DIS3L2: variants seen among roughly 807,000 people sequenced by gnomAD.
DIS3L2 encodes DIS3-like exonuclease 2.
DIS3L2 carries 34 observed loss-of-function variants against 97.5 expected under a neutral mutation model. The observed-to-expected ratio is 0.35, with a 90% CI of 0.27 to 0.46. The LOEUF is 0.46. DIS3L2 is among the 20% of genes least tolerant of loss of function. The pLI is 1.00. For synonymous variants in DIS3L2, 435 were observed against 445.2 expected (o/e 0.98, Z 0.29); for missense variants, 1,038 against 1,146.0 (o/e 0.91, Z 1.36).
At chr2:232,312,608 A>G (rs1483658094) in intron 14 of DIS3L2, among the ~76,000 whole-genome samples, 2 of 152,240 alleles carry the variant, frequency 1.3e-5, no homozygotes, top group Non-Finnish European at 2.9e-5. Flanking sequence ...AGATTTTAGA[A>G]TCAGATTGTC....
chr2:232,338,674 C>T (rs1249625694), downstream of DIS3L2, among the ~76,000 whole-genome samples: 1 of 151,676 alleles, frequency 6.6e-6, no homozygotes, highest in African/African-American at 2.4e-5. Context: ...GCCTTCTCCC[C>T]ACACCAGTCA....
intron 6 of DIS3L2, among the ~76,000 whole-genome samples, chr2:232,115,548 G>A (rs2106336218): frequency 6.6e-6 from 1 of 152,270 alleles, no homozygotes; most frequent in East Asian, 1.9e-4. Flanking sequence ...GAATGATATG[G>A]TTTGGCTCTG....
At chr2:232,216,086 T>C (rs1692324171) in intron 10 of DIS3L2, among the ~76,000 whole-genome samples, 1 of 152,242 alleles carries the variant, frequency 6.6e-6, no homozygotes, top group African/African-American at 2.4e-5. Flanking sequence ...TCTAGAACTT[T>C]CACTTGTGTC....
At position 232,200,582 on chromosome 2, in the gene DIS3L2, GA is replaced by G. The variant is rs143102981; in HGVS notation, c.1125-9742del. 8.6e-3 allele frequency among the ~76,000 whole-genome samples: 1,297 copies of G among 151,456 alleles called. 17 individuals carry two copies. Among genetic ancestry groups the G allele is most frequent in the African/African-American group, 0.029 (1,213 of 41,264 alleles). ...TCGTGGTAATGGATTATAACACAGTGAATTTTTTTAAAAAATCAATGAATTT... is the reference window on the plus strand; with the variant it reads ...TCGTGGTAATGGATTATAACACAGTGATTTTTTTAAAAAATCAATGAATTT... On this transcript the variant is annotated intron_variant, in intron 9 of 20. Transcript: ENST00000325385.
intron 1 of DIS3L2, among the ~76,000 whole-genome samples, chr2:232,006,273 C>T (rs1180945781): frequency 1.3e-5 from 2 of 152,170 alleles, no homozygotes; most frequent in Admixed American, 6.5e-5. Context: ...AAAAGAGATT[C>T]GTGAGTGAGA....
At chr2:232,068,030 A>G (rs984572994) in intron 5 of DIS3L2, among the ~76,000 whole-genome samples, 3 of 152,152 alleles carry the variant, frequency 2.0e-5, no homozygotes, top group Non-Finnish European at 4.4e-5. Context: ...CCAAGGAGCA[A>G]AACCCTCAGA....
chr2:232,041,654 T>C (rs1214913652), intron 5 of DIS3L2, among the ~76,000 whole-genome samples: 1 of 152,162 alleles, frequency 6.6e-6, no homozygotes, highest in Non-Finnish European at 1.5e-5. Context: ...AGTGATTGGC[T>C]CAGAGAAAAT....
At position 232,336,877 on chromosome 2, in the gene DIS3L2, T is replaced by G; in HGVS notation, c.*247T>G. On this transcript the variant is annotated 3_prime_UTR_variant, in exon 21 of 21. Transcript: ENST00000325385. ...GCAGGCCCCAGTCCTCCTGGGAGGCTGGCCCCCCTTTTTTCTGGGCCCTAC... is the reference window on the plus strand; with the variant it reads ...GCAGGCCCCAGTCCTCCTGGGAGGCGGGCCCCCCTTTTTTCTGGGCCCTAC... The G allele has an allele frequency of 7.5e-7, 1 of 1,329,840 alleles. No homozygotes were observed. Among genetic ancestry groups the G allele is most frequent in the Non-Finnish European group, 9.6e-7 (1 of 1,040,190 alleles). The allele number at this position is 1,329,840 out of a possible 1,614,324, so 82.4% of individuals were successfully genotyped here. A position where few individuals can be genotyped will look rare whatever the true frequency, so the allele number is the denominator to read the frequency against.
rs1211468205 is a variant in DIS3L2 at position 232,282,174 on chromosome 2, C to T, written c.1660-17866C>T. Among the ~76,000 whole-genome samples, 6 of 144,094 alleles carry T rather than the reference C, an allele frequency of 4.2e-5. No homozygotes were observed. The Admixed American group carries it at 4.2e-4, about 10-fold the overall frequency. The allele number at this position is 144,094 out of a possible 152,430, so 94.5% of individuals were successfully genotyped here. The stretch of plus-strand genomic sequence containing the variant: ...AAAAAAAAAAAAAAAAAAGGGAATT[C>T]ACTCCCAGTCCTTTTGAAACCCAAC... On this transcript the variant is annotated intron_variant, in intron 13 of 20. Transcript: ENST00000325385.
chr2:232,256,697 TC>T (rs1162635419), intron 12 of DIS3L2, among the ~76,000 whole-genome samples: 1 of 152,142 alleles, frequency 6.6e-6, no homozygotes, highest in East Asian at 1.9e-4. Flanking sequence ...ACTGCTGAGG[TC>T]CCCCTTTCCA....
intron 9 of DIS3L2, among the ~76,000 whole-genome samples, chr2:232,167,603 A>G (rs754144484): frequency 3.0e-4 from 46 of 152,246 alleles, no homozygotes; most frequent in Non-Finnish European, 5.7e-4. Flanking sequence ...CTATTCGCCA[A>G]TTATATTCCA....
intron 9 of DIS3L2, among the ~76,000 whole-genome samples, chr2:232,208,796 G>T (rs1332467275): frequency 6.6e-6 from 1 of 152,110 alleles, no homozygotes; most frequent in Non-Finnish European, 1.5e-5. Flanking sequence ...GGGAGGCCAA[G>T]TTGAGAGGAT....
intron 5 of DIS3L2, among the ~76,000 whole-genome samples, chr2:232,077,304 A>T (rs1010433650): frequency 1.3e-4 from 1 of 7,964 alleles, no homozygotes; most frequent in Non-Finnish European, 2.3e-4. Flanking sequence ...TTACCTTCCA[A>T]AAAAAAAAAA....
chr2:232,061,705 T>G (rs1349683229), intron 5 of DIS3L2, among the ~76,000 whole-genome samples: 1 of 152,234 alleles, frequency 6.6e-6, no homozygotes, highest in Non-Finnish European at 1.5e-5. Context: ...GTGCAGTTCA[T>G]GTGCAGAGAG....
downstream of DIS3L2, among the ~76,000 whole-genome samples, chr2:232,337,483 GA>G (rs1214143630): frequency 6.6e-6 from 1 of 152,120 alleles, no homozygotes; most frequent in Non-Finnish European, 1.5e-5. Context: ...ACCAGGAGGG[GA>G]AACTGGCTGC....
Position 232,055,224 on chromosome 2 carries a change from C to T in DIS3L2, c.366+25144C>T, listed in dbSNP as rs533971782. 2.6e-5 allele frequency among the ~76,000 whole-genome samples: 4 copies of T among 152,020 alleles called. No individual in the cohort carries two copies. In the East Asian group the frequency reaches 5.8e-4, roughly 22 times the overall value. ...TCATTACTTTTATTCCATGTTATAT[C>T]GTAGACTGTAGTTAATGCGATAAAG... On this transcript the variant is annotated intron_variant, in intron 5 of 20. Coordinates refer to ENST00000325385, the MANE Select transcript of DIS3L2 (RefSeq NM_152383.5).
chr2:232,244,153 T>A (rs1338972710), intron 11 of DIS3L2, among the ~76,000 whole-genome samples: 1 of 152,156 alleles, frequency 6.6e-6, no homozygotes, highest in Non-Finnish European at 1.5e-5. Flanking sequence ...ATATCCACAC[T>A]TGAATAGTGG....
At chr2:232,287,398 C>CCCCCCCCG (rs1694472322) in intron 13 of DIS3L2, among the ~76,000 whole-genome samples, 1 of 69,068 alleles carries the variant, frequency 1.4e-5, no homozygotes, top group Non-Finnish European at 2.9e-5. Context: ...GCCCCCCCCC[C>CCCCCCCCG]CCCCCGCTTT....
At chr2:232,101,365 A>G (rs948704796) in intron 6 of DIS3L2, among the ~76,000 whole-genome samples, 1 of 151,250 alleles carries the variant, frequency 6.6e-6, no homozygotes, top group Non-Finnish European at 1.5e-5. Flanking sequence ...GTGTTGTTAT[A>G]TACATATGTG....
Sources: allele counts gnomAD v4.1 joint callset (sites outside exome capture counted in the v4.1 genomes callset), GRCh38; gene constraint gnomAD v4.1.1; transcripts MANE v1.5; gene names NCBI Gene and HGNC (gene_info 2026-07-23, HGNC 2026-07-21).